TMEM14A: variants seen among roughly 807,000 people sequenced by gnomAD.
The protein encoded by TMEM14A is transmembrane protein 14A.
In TMEM14A, 8 loss-of-function variants were observed where a neutral mutation model predicts 11.6. The observed-to-expected ratio is 0.69, with a 90% confidence interval of 0.40 to 1.24. TMEM14A has a LOEUF of 1.24. TMEM14A is among the 50% of genes most tolerant of loss of function. TMEM14A has a pLI of 0.01. For synonymous variants in TMEM14A, 34 were observed against 45.5 expected (o/e 0.75, Z 1.02); for missense variants, 108 against 121.9 (o/e 0.89, Z 0.54).
chr6:52,680,704 T>TACACATATATATATATATAC (rs1769372874), intron 2 of TMEM14A, among the ~76,000 whole-genome samples: 2 of 51,102 alleles, frequency 3.9e-5, no homozygotes, highest in African/African-American at 1.1e-4. Flanking sequence ...TATATATATA[T>TACACATATATATATATATAC]ACACATATAT....
At position 52,680,584 on chromosome 6, in the gene TMEM14A, T is replaced by TACA. The variant is rs1491406322; in HGVS notation, c.71-1229_71-1228insACA. 1.3e-4 allele frequency among the ~76,000 whole-genome samples: 8 copies of TACA among 63,960 alleles called. No individual in the cohort carries two copies. In the South Asian group the frequency reaches 8.0e-3, roughly 64 times the overall value. The allele number at this position is 63,960 out of a possible 152,430, so 42.0% of individuals were successfully genotyped here. ...CTGTAACATTCTAAGCCACTATATA[T>TACA]TTATATATTTATATATATATATATA... On this transcript the variant is annotated intron_variant, in intron 2 of 4. Transcript: ENST00000211314.
At chr6:52,680,691 G>GTA (rs1554137475) in intron 2 of TMEM14A, among the ~76,000 whole-genome samples, 12 of 35,336 alleles carry the variant, frequency 3.4e-4, no homozygotes, top group African/African-American at 7.6e-4. Flanking sequence ...ATACATATAT[G>GTA]TATATATATA....
intron 1 of TMEM14A, among the ~76,000 whole-genome samples, chr6:52,675,334 T>C (rs1200137576): frequency 6.6e-6 from 1 of 152,204 alleles, no homozygotes; most frequent in Non-Finnish European, 1.5e-5. Context: ...ACCTTCCCTG[T>C]GGAAGAAATA....
chr6:52,679,306 C>A (rs1769322192), intron 2 of TMEM14A, among the ~76,000 whole-genome samples: 1 of 152,130 alleles, frequency 6.6e-6, no homozygotes, highest in Non-Finnish European at 1.5e-5. Context: ...GAGGCTCTTC[C>A]TAGGCCAGGT....
intron 2 of TMEM14A, among the ~76,000 whole-genome samples, chr6:52,680,585 T>TTACATATATA (rs1769346522): frequency 6.0e-5 from 2 of 33,264 alleles, no homozygotes; most frequent in Non-Finnish European, 1.6e-4. Flanking sequence ...CACTATATAT[T>TTACATATATA]TATATATTTA....
chr6:52,677,707 G>C (rs1238241925), intron 2 of TMEM14A, among the ~76,000 whole-genome samples: 11 of 152,258 alleles, frequency 7.2e-5, no homozygotes, highest in Admixed American at 2.0e-4. Flanking sequence ...ATCATTTATA[G>C]TTATGATGTC....
intron 1 of TMEM14A, among the ~76,000 whole-genome samples, chr6:52,674,920 A>G (rs1424662370): frequency 7.1e-6 from 1 of 139,992 alleles, no homozygotes; most frequent in Non-Finnish European, 1.5e-5. Flanking sequence ...TGAGACGCCC[A>G]GGCTGGAGTG....
In TMEM14A at chr6:52,683,952, A is replaced by C. The variant is rs1349472392; in HGVS notation, c.173-126A>C. 5.7e-6 allele frequency: 5 copies of C among 873,998 alleles called. No homozygotes were observed. The Admixed American group carries it at 1.5e-4, about 26-fold the overall frequency. The allele number at this position is 873,998 out of a possible 1,614,324, so 54.1% of individuals were successfully genotyped here. ...ATAGAGCACTTTATCTTTTCAAGAC[A>C]ATGGCAACTCAGTACCTATCCATAA... On this transcript the variant is annotated intron_variant, in intron 3 of 4. Coordinates refer to ENST00000211314, the MANE Select transcript of TMEM14A (RefSeq NM_014051.4).
intron 2 of TMEM14A, 106 bp downstream of exon 2, chr6:52,677,278 G>T: frequency 8.0e-7 from 1 of 1,246,564 alleles, no homozygotes; most frequent in Non-Finnish European, 1.2e-6. Flanking sequence ...AGATGCCTTA[G>T]AGGTGGCTGA....
rs199926381 is a variant in TMEM14A, at chr6:52,681,918, A to C, written c.172+4A>C. ...CGAGATGTAAAAGTGTCACTGTGTA[A>C]GTAAGGCATTTTTCCTGGTTACAGA... On this transcript the variant is annotated splice_donor_region_variant and intron_variant, in intron 3 of 4. Coordinates refer to ENST00000211314, the MANE Select transcript of TMEM14A (RefSeq NM_014051.4). 1.0e-4 allele frequency: 166 copies of C among 1,613,030 alleles called. No individual in the cohort carries two copies. The African/African-American group carries it at 1.8e-3, about 17-fold the overall frequency.
chr6:52,685,855 A>T (rs1769483467), intron 4 of TMEM14A, among the ~76,000 whole-genome samples, 155 bp from the exon 5 acceptor site: 1 of 152,188 alleles, frequency 6.6e-6, no homozygotes, highest in Non-Finnish European at 1.5e-5. Flanking sequence ...TAATTCAGTT[A>T]TGTCTGGGAT....
rs1769490450 is a variant in TMEM14A, at chr6:52,686,189, G to A, written c.*140G>A. 2 of 715,198 alleles carry A rather than the reference G, an allele frequency of 2.8e-6. No individual in the cohort carries two copies. The highest frequency in any genetic ancestry group is 7.8e-5 in the South Asian group (2 of 25,790). The allele number at this position is 715,198 out of a possible 1,614,324, so 44.3% of individuals were successfully genotyped here. On this transcript the variant is annotated 3_prime_UTR_variant, in exon 5 of 5. Transcript: ENST00000211314. ...ACTGTCACCTCTAATATGAACATTA[G>A]TTTGAGGTAGTTTTTTTCTAAAGCA...
intron 2 of TMEM14A, 37 bp from the exon 3 acceptor site, chr6:52,681,776 A>G (rs906168548): frequency 1.9e-6 from 3 of 1,549,576 alleles, no homozygotes; most frequent in Non-Finnish European, 2.7e-6. Flanking sequence ...TCCTTTTGGG[A>G]TTCTCTTTGT....
intron 2 of TMEM14A, among the ~76,000 whole-genome samples, chr6:52,681,395 C>CTA (rs1363561250): frequency 6.6e-6 from 1 of 152,118 alleles, no homozygotes. Context: ...CCTCTATAAA[C>CTA]TAAAACTACC....
In TMEM14A at chr6:52,684,171, T is replaced by C. The variant is rs1350498947; in HGVS notation, c.260+6T>C. 2 of 1,612,020 alleles carry C rather than the reference T, an allele frequency of 1.2e-6. No individual in the cohort carries two copies. The highest frequency in any genetic ancestry group is 1.7e-6 in the Non-Finnish European group (2 of 1,179,112). ...GGTTTGGTTGCAGGTTTAAGGTAAG[T>C]AAAACTATTTTGATCAATACTTTCC... On this transcript the variant is annotated splice_donor_region_variant and intron_variant, in intron 4 of 4. Transcript: ENST00000211314.
rs1554137484 is a variant in TMEM14A, at chr6:52,680,704, T to TACACAC, written c.71-1104_71-1103insCACACA. Among the ~76,000 whole-genome samples the TACACAC allele has an allele frequency of 2.1e-3, 107 of 51,090 alleles. 10 individuals are homozygous for TACACAC. Among genetic ancestry groups the TACACAC allele is most frequent in the East Asian group, 0.013 (14 of 1,082 alleles). 33.5% of individuals were successfully genotyped at this position (51,090 alleles called of 152,430 possible). A position where few individuals can be genotyped will look rare whatever the true frequency, so the allele number is the denominator to read the frequency against. On this transcript the variant is annotated intron_variant, in intron 2 of 4. Coordinates refer to ENST00000211314, the MANE Select transcript of TMEM14A (RefSeq NM_014051.4). Reference sequence around the variant, plus strand: ...ATATACATATATGTATATATATATATACACATATATATATGGCATGGATGA... The same window carrying TACACAC: ...ATATACATATATGTATATATATATATACACACACACATATATATATGGCATGGATGA...
intron 2 of TMEM14A, among the ~76,000 whole-genome samples, chr6:52,680,710 T>TATGTATATATATATATATATAC (rs1561875194): frequency 7.8e-6 from 1 of 127,628 alleles, no homozygotes; most frequent in Admixed American, 8.2e-5. Context: ...TATATACACA[T>TATGTATATATATATATATATAC]ATATATATGG....
intron 3 of TMEM14A, among the ~76,000 whole-genome samples, chr6:52,682,583 T>A (rs1998039): frequency 6.0e-4 from 63 of 105,484 alleles, no homozygotes; most frequent in Middle Eastern, 4.1e-3. Flanking sequence ...TGAAGGAGAG[T>A]GAGAGATTTG....
intron 1 of TMEM14A, among the ~76,000 whole-genome samples, chr6:52,674,775 A>T (rs1294180897): frequency 6.6e-6 from 1 of 151,866 alleles, no homozygotes; most frequent in Non-Finnish European, 1.5e-5. Context: ...AGCATTTTTC[A>T]GTGTTGCCTC....
Sources: gnomAD v4.1 joint callset for allele counts (sites outside exome capture counted in the v4.1 genomes callset) on GRCh38, gnomAD v4.1.1 for gene constraint, MANE v1.5 for transcripts, NCBI Gene and HGNC (gene_info 2026-07-23, HGNC 2026-07-21) for gene names.